LMOD1: variants seen among roughly 807,000 people sequenced by gnomAD.
LMOD1 encodes the protein leiomodin 1.
LMOD1 carries 8 observed loss-of-function variants against 36.5 expected under a neutral mutation model. The observed-to-expected ratio is 0.22, with a 90% CI of 0.13 to 0.40. The LOEUF (loss-of-function observed/expected upper bound fraction) is 0.40, where lower values mean the gene tolerates loss of function less well. Ranked by LOEUF, LMOD1 falls within the 10% of genes least tolerant of loss-of-function variation. The pLI, the probability that LMOD1 is intolerant of heterozygous loss-of-function variation, is 1.00. For missense variants in LMOD1, 630 were observed against 751.1 expected, an observed-to-expected ratio of 0.84 and a Z score of 1.88; for synonymous variants, 284 against 288.7, an observed-to-expected ratio of 0.98 and a Z score of 0.17.
At chr1:201,943,042 A>G (rs753764580) in intron 1 of LMOD1, among the ~76,000 whole-genome samples, 1 of 152,168 alleles carries the variant, frequency 6.6e-6, no homozygotes, top group Admixed American at 6.5e-5. Flanking sequence ...GTTCCTACTC[A>G]TGGGGGCAGG....
At chr1:201,898,492 T>A in intron 2 of LMOD1, 94 bp from the exon 3 acceptor site, 1 of 1,108,600 alleles carries the variant, frequency 9.0e-7, no homozygotes, top group Admixed American at 2.6e-5. Flanking sequence ...TGCAATATGT[T>A]ATGTCTGTGG....
rs1571571025 is a variant in LMOD1, at chr1:201,897,114, T to A, written c.*1258A>T. ...GCATTCCTGCAGTTGGGGCAGGAAG[T>A]GGAATTGGTGAGCAGGTGGGGAGGG... On this transcript the variant is annotated 3_prime_UTR_variant, in exon 3 of 3. Transcript: ENST00000367288. The A allele has an allele frequency of 1.6e-5, 4 of 257,182 alleles. No homozygotes were observed. The East Asian group carries it at 2.9e-4, about 18-fold the overall frequency. The allele number at this position is 257,182 out of a possible 1,614,324, so 15.9% of individuals were successfully genotyped here. A position where few individuals can be genotyped will look rare whatever the true frequency, so the allele number is the denominator to read the frequency against.
At chr1:201,908,041 C>A (rs932507474) in intron 1 of LMOD1, among the ~76,000 whole-genome samples, 1 of 152,224 alleles carries the variant, frequency 6.6e-6, no homozygotes, top group Non-Finnish European at 1.5e-5. Context: ...CAACAGCATT[C>A]CTTCAGGCCA....
chr1:201,899,933 C>T lies in LMOD1; in HGVS notation c.1080G>A (p.Val360=), dbSNP rs1681266628. 1 of 1,613,864 alleles carries T rather than the reference C, an allele frequency of 6.2e-7. No homozygotes were observed. Among genetic ancestry groups the T allele is most frequent in the African/African-American group, 1.3e-5 (1 of 74,920 alleles). ...RFTEALEFNT[V]VKLFALANTR... ...TGTTGGCCAAGGCGAACAGCTTAAC[C>T]ACAGTGTTGAACTCCAGAGCCTCAG... The change falls in exon 2 of 3, where the codon GTG becomes GTA. Residue 360 remains valine, a synonymous_variant. Transcript: ENST00000367288. The surrounding 1 kb of genome is among the most constrained non-coding windows in gnomAD (Gnocchi z 6.3).
At chr1:201,902,033 G>T (rs550904276) in intron 1 of LMOD1, among the ~76,000 whole-genome samples, 90 of 150,592 alleles carry the variant, frequency 6.0e-4, no homozygotes, top group Non-Finnish European at 9.1e-4. Context: ...CTATCCTCAA[G>T]CAGTCCTCCC....
At position 201,896,687 on chromosome 1, in the gene LMOD1, A is replaced by G. The variant is rs531677860; in HGVS notation, c.*1685T>C. The G allele has an allele frequency of 2.8e-5, 13 of 456,594 alleles. No individual in the cohort carries two copies. The highest frequency in any genetic ancestry group is 5.7e-5 in the Non-Finnish European group (13 of 226,980). 28.3% of individuals were successfully genotyped at this position (456,594 alleles called of 1,614,324 possible). Reference sequence around the variant, plus strand: ...CTCTAGCTGGCCTTAGCTCCAGCTCATACCCTTTAGGTCCAGGAGCCAGTG... The same window carrying G: ...CTCTAGCTGGCCTTAGCTCCAGCTCGTACCCTTTAGGTCCAGGAGCCAGTG... On this transcript the variant is annotated 3_prime_UTR_variant, in exon 3 of 3. Coordinates refer to ENST00000367288, the MANE Select transcript of LMOD1 (RefSeq NM_012134.3).
intron 1 of LMOD1, among the ~76,000 whole-genome samples, chr1:201,909,310 G>C (rs918058265): frequency 1.3e-5 from 2 of 152,240 alleles, no homozygotes; most frequent in African/African-American, 4.8e-5. Flanking sequence ...GGGGTCTCAG[G>C]TGTGAGAATG....
At chr1:201,914,520 G>T (rs1681567650) in intron 1 of LMOD1, among the ~76,000 whole-genome samples, 1 of 152,052 alleles carries the variant, frequency 6.6e-6, no homozygotes. Context: ...CTGTCATTAT[G>T]GGTCTAGCTC....
rs577951939 is a variant in LMOD1, at chr1:201,918,678, CCTT to C, written c.262-17930_262-17928del. ...TAACACTTCTTCTTTTGTTCCTCCTCCTTCTTTTTAACTTTATATGTGGAAAAG... is the reference window on the plus strand; with the variant it reads ...TAACACTTCTTCTTTTGTTCCTCCTCCTTTTTAACTTTATATGTGGAAAAG... On this transcript the variant is annotated intron_variant, in intron 1 of 2. Coordinates refer to ENST00000367288, the MANE Select transcript of LMOD1 (RefSeq NM_012134.3). 1.6e-3 allele frequency among the ~76,000 whole-genome samples: 237 copies of C among 152,274 alleles called. 1 individual carries two copies. The highest frequency in any genetic ancestry group is 2.8e-3 in the Non-Finnish European group (191 of 68,024).
intron 1 of LMOD1, among the ~76,000 whole-genome samples, chr1:201,921,159 G>T (rs969594796): frequency 2.0e-5 from 3 of 151,566 alleles, no homozygotes; most frequent in African/African-American, 7.3e-5. Context: ...AACTGTTTTG[G>T]CCATGACAAA....
In LMOD1 at chr1:201,899,031, G is replaced by T. The variant is rs866496854; in HGVS notation, c.1776+206C>A. 3.9e-5 allele frequency: 19 copies of T among 491,974 alleles called. No homozygotes were observed. Among genetic ancestry groups the T allele is most frequent in the Middle Eastern group, 5.1e-4 (1 of 1,960 alleles). 30.5% of individuals were successfully genotyped at this position (491,974 alleles called of 1,614,324 possible). ...GGAAGCTCCTTAAAGGAAGGGTAGA[G>T]TCTCAGCTCTAGGGGATATACAGGT... On this transcript the variant is annotated intron_variant, in intron 2 of 2. Coordinates refer to ENST00000367288, the MANE Select transcript of LMOD1 (RefSeq NM_012134.3). The surrounding 1 kb of genome is among the most constrained non-coding windows in gnomAD (Gnocchi z 6.3).
chr1:201,931,105 T>TA, intron 1 of LMOD1, among the ~76,000 whole-genome samples: 1 of 151,858 alleles, frequency 6.6e-6, no homozygotes, highest in Non-Finnish European at 1.5e-5. Flanking sequence ...AAAGAGCCAG[T>TA]AAAAGGGAAT....
chr1:201,897,698 A>G lies in LMOD1; in HGVS notation c.*674T>C, dbSNP rs145798381. The stretch of plus-strand genomic sequence containing the variant: ...TGGAAAAACAGATACACAGCTATTC[A>G]TACAGCAGCAGGTGGGTGTGAGGAA... On this transcript the variant is annotated 3_prime_UTR_variant, in exon 3 of 3. Coordinates refer to ENST00000367288, the MANE Select transcript of LMOD1 (RefSeq NM_012134.3). The G allele has an allele frequency of 1.3e-5, 2 of 152,922 alleles. No individual in the cohort carries two copies. Among genetic ancestry groups the G allele is most frequent in the East Asian group, 3.9e-4 (2 of 5,192 alleles). 9.5% of individuals were successfully genotyped at this position (152,922 alleles called of 1,614,324 possible). A position where few individuals can be genotyped will look rare whatever the true frequency, so the allele number is the denominator to read the frequency against.
intron 1 of LMOD1, among the ~76,000 whole-genome samples, chr1:201,901,502 CAAAA>C (rs533788169): frequency 1.4e-5 from 1 of 73,656 alleles, no homozygotes; most frequent in Non-Finnish European, 2.5e-5. Flanking sequence ...AACTCTGTCT[CAAAA>C]AAAAAATATA....
intron 1 of LMOD1, among the ~76,000 whole-genome samples, chr1:201,903,341 G>A (rs547279803): frequency 1.7e-4 from 26 of 152,320 alleles, no homozygotes; most frequent in African/African-American, 5.8e-4. Context: ...CTAGCCTCCT[G>A]CCCTGCAGGC....
chr1:201,932,265 G>A (rs1447494957), intron 1 of LMOD1, among the ~76,000 whole-genome samples: 1 of 152,148 alleles, frequency 6.6e-6, no homozygotes, highest in African/African-American at 2.4e-5. Flanking sequence ...GTAAGGCTAG[G>A]AATGAGAAGA....
chr1:201,911,909 G>A (rs1681503040), intron 1 of LMOD1, among the ~76,000 whole-genome samples: 1 of 152,218 alleles, frequency 6.6e-6, no homozygotes, highest in Non-Finnish European at 1.5e-5. Flanking sequence ...GAGGCAACCC[G>A]AAGAATACAT....
intron 1 of LMOD1, among the ~76,000 whole-genome samples, chr1:201,925,552 G>A (rs1173663944): frequency 1.3e-5 from 2 of 152,042 alleles, no homozygotes; most frequent in Admixed American, 6.6e-5. Context: ...TTATGGTTTG[G>A]TATTGGTGTG....
intron 1 of LMOD1, among the ~76,000 whole-genome samples, chr1:201,910,376 C>A (rs994425330): frequency 1.3e-5 from 2 of 151,800 alleles, no homozygotes; most frequent in South Asian, 2.1e-4. Flanking sequence ...CAGGCTCAAG[C>A]GATCTTCCCA....
Sources: gnomAD v4.1 joint callset for allele counts (sites outside exome capture counted in the v4.1 genomes callset) on GRCh38, gnomAD v4.1.1 for gene constraint, Gnocchi (gnomAD v3.1) non-coding constraint, MANE v1.5 for transcripts, NCBI Gene and HGNC (gene_info 2026-07-23, HGNC 2026-07-21) for gene names.